PROCR: variants seen among roughly 807,000 people sequenced by gnomAD.
The protein encoded by PROCR is protein C receptor, also known as endothelial protein C receptor.
In PROCR, 22 loss-of-function variants were observed where a neutral mutation model predicts 24.2. The observed-to-expected ratio is 0.91, with a 90% CI of 0.65 to 1.30. The LOEUF is 1.30. Among genes scored for constraint, PROCR ranks in the 50% most tolerant of loss-of-function variants. The probability of loss-of-function intolerance (pLI) is 0.00; values close to 1 mark genes in which losing one functional copy is unlikely to be tolerated. For synonymous variants in PROCR, 137 were observed against 139.2 expected (o/e 0.98, Z 0.11); for missense variants, 288 against 307.7 (o/e 0.94, Z 0.48).
chr20:35,171,528 A>G (rs540596206), upstream of PROCR, among the ~76,000 whole-genome samples: 1 of 152,324 alleles, frequency 6.6e-6, no homozygotes, highest in South Asian at 2.1e-4. Context: ...TTTTAAAAAC[A>G]TGCTGCAGTG....
chr20:35,199,683 G>A (rs1025238243), intron 1 of PROCR, among the ~76,000 whole-genome samples: 3 of 151,730 alleles, frequency 2.0e-5, no homozygotes, highest in Admixed American at 2.0e-4. Flanking sequence ...GCGAGTCAGA[G>A]GTTGCAGTGA....
At chr20:35,209,742 T>G (rs971635129) in intron 1 of PROCR, among the ~76,000 whole-genome samples, 1 of 152,150 alleles carries the variant, frequency 6.6e-6, no homozygotes, top group East Asian at 1.9e-4. Flanking sequence ...AGAAATCAAG[T>G]GCAATGACTT....
downstream of PROCR, among the ~76,000 whole-genome samples, chr20:35,181,812 A>C (rs893082991): frequency 2.0e-5 from 3 of 152,204 alleles, no homozygotes; most frequent in Non-Finnish European, 1.5e-5. Flanking sequence ...TGCCAACTTA[A>C]GGGGAAAATA....
downstream of PROCR, among the ~76,000 whole-genome samples, chr20:35,178,393 G>T: frequency 4.2e-5 from 2 of 48,014 alleles, no homozygotes; most frequent in Admixed American, 2.4e-4. Context: ...AACAGAGTGA[G>T]ATTCTTTTTT....
rs546163945 is a variant in PROCR, at chr20:35,196,292, G to C, written c.95-19601G>C. 2.0e-5 allele frequency among the ~76,000 whole-genome samples: 3 copies of C among 151,534 alleles called. No homozygotes were observed. In the South Asian group the frequency reaches 6.2e-4, roughly 32 times the overall value. On this transcript the variant is annotated intron_variant, in intron 1 of 1. Transcript: ENST00000634509. ...ATATTTCTGAAATAGAGGAGAAAGA[G>C]ACTGATGTGGAAAAGTATTTGAAGA...
chr20:35,177,629 G>GTTTTTTTTTTTTTTTTTTTTTT (rs2086034285), downstream of PROCR, among the ~76,000 whole-genome samples: 1 of 151,654 alleles, frequency 6.6e-6, no homozygotes, highest in African/African-American at 2.4e-5. Flanking sequence ...TGTATTTTTA[G>GTTTTTTTTTTTTTTTTTTTTTT]TAGAGATGGG....
At chr20:35,179,771 T>C (rs944932378), downstream of PROCR, among the ~76,000 whole-genome samples, 1 of 152,220 alleles carries the variant, frequency 6.6e-6, no homozygotes, top group African/African-American at 2.4e-5. Flanking sequence ...ATCATGTAAG[T>C]GGAGAGAACT....
chr20:35,204,188 C>A (rs1484545340), intron 1 of PROCR, among the ~76,000 whole-genome samples: 1 of 152,086 alleles, frequency 6.6e-6, no homozygotes, highest in Non-Finnish European at 1.5e-5. Flanking sequence ...GGAAATGGAC[C>A]AATTTCTTGA....
chr20:35,176,598 G>A (rs535457277), intron 3 of PROCR, 100 bp from the exon 4 acceptor site: 6 of 1,575,208 alleles, frequency 3.8e-6, no homozygotes, highest in African/African-American at 1.3e-5. Flanking sequence ...GTTGGTAAAC[G>A]GGTCCCTTTC....
intron 2 of PROCR, 33 bp downstream of exon 2, chr20:35,174,986 GC>G: frequency 6.9e-7 from 1 of 1,450,414 alleles, no homozygotes; most frequent in Non-Finnish European, 9.1e-7. Flanking sequence ...CGGGGTCTGG[GC>G]GGGGCTAGTG....
chr20:35,212,196 G>C (rs1001317990), intron 1 of PROCR, among the ~76,000 whole-genome samples: 57 of 152,232 alleles, frequency 3.7e-4, no homozygotes, highest in African/African-American at 1.3e-3. Context: ...ATTGGCAGGC[G>C]TGTAGTACAT....
chr20:35,204,936 A>T (rs2060332373), intron 1 of PROCR, among the ~76,000 whole-genome samples: 1 of 152,092 alleles, frequency 6.6e-6, no homozygotes, highest in Admixed American at 6.6e-5. Context: ...ATAATACTTC[A>T]CTACTATGTG....
chr20:35,177,316 A>C lies in PROCR; in HGVS notation c.*503A>C. ...AATCCAAGTCATATGGCAGTGATCAATTATTAATCAATTAATAATATTAAT... is the reference window on the plus strand; with the variant it reads ...AATCCAAGTCATATGGCAGTGATCACTTATTAATCAATTAATAATATTAAT... On this transcript the variant is annotated 3_prime_UTR_variant, in exon 4 of 4. Transcript: ENST00000216968. 1 of 985,576 alleles carries C rather than the reference A, an allele frequency of 1.0e-6. No individual in the cohort carries two copies. Among genetic ancestry groups the C allele is most frequent in the African/African-American group, 1.7e-5 (1 of 57,312 alleles). The allele number at this position is 985,576 out of a possible 1,614,324, so 61.1% of individuals were successfully genotyped here. A position where few individuals can be genotyped will look rare whatever the true frequency, so the allele number is the denominator to read the frequency against.
At position 35,176,253 on chromosome 20, in the gene PROCR, T is replaced by C. The variant is rs767668865; in HGVS notation, c.408T>C (p.Asn136=). The C allele has an allele frequency of 5.0e-6, 8 of 1,614,182 alleles. No homozygotes were observed. In the Admixed American group the frequency reaches 1.2e-4, roughly 24 times the overall value. ...RAHVFFEVAV[N]GSSFVSFRPE... ...ATGTCTTCTTCGAAGTGGCTGTGAA[T>C]GGGAGCTCCTTTGTGAGTTTCCGGC... The change falls in exon 3 of 4, where the codon AAT becomes AAC. Residue 136 remains asparagine, a synonymous_variant. Transcript: ENST00000216968.
At chr20:35,189,371 T>G (rs2086154481) in intron 1 of PROCR, among the ~76,000 whole-genome samples, 1 of 152,164 alleles carries the variant, frequency 6.6e-6, no homozygotes. Context: ...CCAGACTTGC[T>G]AGGATTAGGA....
At chr20:35,172,273 A>C (rs1843327920) in intron 1 of PROCR, 49 bp downstream of exon 1, 125 of 1,576,280 alleles carry the variant, frequency 7.9e-5, no homozygotes, top group Middle Eastern at 1.7e-4. Flanking sequence ...GGAGAATCTC[A>C]GTCTATCTGG....
intron 1 of PROCR, chr20:35,174,437 G>A (rs1301066783): frequency 3.8e-6 from 2 of 526,060 alleles, no homozygotes; most frequent in Non-Finnish European, 6.9e-6. Flanking sequence ...AGGGAGAGCC[G>A]AGGGTGAAAA....
At chr20:35,211,118 G>C (rs919120137) in intron 1 of PROCR, among the ~76,000 whole-genome samples, 4 of 152,120 alleles carry the variant, frequency 2.6e-5, no homozygotes, top group African/African-American at 9.7e-5. Flanking sequence ...TTGAGGATCT[G>C]GAAATGAATT....
At chr20:35,183,632 G>A (rs2378337) in intron 1 of PROCR, among the ~76,000 whole-genome samples, 93,472 of 152,026 alleles carry the variant, frequency 0.61, 29,991 homozygotes, top group African/African-American at 0.8. Flanking sequence ...ATTCAAACCC[G>A]TGCCTTTGTG....
Sources: allele counts gnomAD v4.1 joint callset (sites outside exome capture counted in the v4.1 genomes callset), GRCh38; gene constraint gnomAD v4.1.1; transcripts MANE v1.5; gene names NCBI Gene and HGNC (gene_info 2026-07-23, HGNC 2026-07-21).